OSBPL1A: variants seen among roughly 807,000 people sequenced by gnomAD.
OSBPL1A encodes the protein oxysterol binding protein like 1A, also known as oxysterol-binding protein-related protein 1.
A neutral mutation model predicts 137.1 loss-of-function variants in OSBPL1A; 80 were observed. That is an observed-to-expected ratio of 0.58 (90% CI 0.49 to 0.70). The LOEUF (loss-of-function observed/expected upper bound fraction) is 0.70. OSBPL1A is among the 30% of genes least tolerant of loss of function. The pLI, the probability that OSBPL1A is intolerant of heterozygous loss-of-function variation, is 0.00. For synonymous variants in OSBPL1A, 365 were observed against 389.7 expected (o/e 0.94, Z 0.75); for missense variants, 970 against 1,129.4 (o/e 0.86, Z 2.02).
intron 18 of OSBPL1A, among the ~76,000 whole-genome samples, chr18:24,191,688 T>C (rs1490742433): frequency 6.6e-6 from 1 of 152,190 alleles, no homozygotes; most frequent in African/African-American, 2.4e-5. Context: ...TCTGCAGTAA[T>C]GAAGTATGAT....
At chr18:24,246,402 A>C (rs559137135) in intron 15 of OSBPL1A, among the ~76,000 whole-genome samples, 55 of 152,144 alleles carry the variant, frequency 3.6e-4, no homozygotes, top group Middle Eastern at 3.4e-3. Flanking sequence ...AAGCCAGTGG[A>C]GGAGGGGAAG....
intron 15 of OSBPL1A, among the ~76,000 whole-genome samples, chr18:24,259,318 AAG>A (rs899765626): frequency 6.6e-6 from 1 of 152,170 alleles, no homozygotes; most frequent in Non-Finnish European, 1.5e-5. Context: ...AAGAATGAAC[AAG>A]GCCTATGACA....
chr18:24,293,125 A>AAAAAAAAAAAAAAAAAAAAAAG (rs200624581), intron 14 of OSBPL1A, among the ~76,000 whole-genome samples: 23 of 82,100 alleles, frequency 2.8e-4, no homozygotes, highest in Non-Finnish European at 3.7e-4. Flanking sequence ...AAAAAAAAAA[A>AAAAAAAAAAAAAAAAAAAAAAG]AAAGAAAAGA....
intron 18 of OSBPL1A, among the ~76,000 whole-genome samples, chr18:24,189,922 G>C (rs1305041745): frequency 6.6e-6 from 1 of 152,266 alleles, no homozygotes; most frequent in Non-Finnish European, 1.5e-5. Context: ...CACGGAGTGG[G>C]AAAAGGCGGT....
In OSBPL1A at chr18:24,303,670, GA is replaced by G; in HGVS notation, c.1140del (p.Leu381SerfsTer3). ...QQRLDREISNFLKMIKECDMA... is the reference protein window; with the variant it reads ...QQRLDREISNXLKMIKECDMA... ...ATGTCACACTCCTTAATCATTTTGA[GA>G]AAGTTGGAAATTTCCCTATCTAGTC... On this transcript the variant is annotated frameshift_variant, in exon 14 of 28. Coordinates refer to ENST00000319481, the MANE Select transcript of OSBPL1A (RefSeq NM_080597.4). LOFTEE classifies it high-confidence loss of function. 1.9e-6 allele frequency: 3 copies of G among 1,613,586 alleles called. No individual in the cohort carries two copies. Among genetic ancestry groups the G allele is most frequent in the Non-Finnish European group, 2.5e-6 (3 of 1,179,728 alleles).
In OSBPL1A at chr18:24,280,862, G is replaced by T; in HGVS notation, c.1261C>A (p.Leu421Ile). 1 of 1,602,496 alleles carries T rather than the reference G, an allele frequency of 6.2e-7. No homozygotes were observed. The highest frequency in any genetic ancestry group is 8.5e-7 in the Non-Finnish European group (1 of 1,176,504). The change falls in exon 15 of 28, where the codon CTC becomes ATC. Residue 421 changes from leucine to isoleucine, a missense_variant. Around this residue, in one of 2 missense-constraint regions of OSBPL1A, gnomAD observed 647 missense variants for 672.6 expected, o/e 0.96. Coordinates refer to ENST00000319481, the MANE Select transcript of OSBPL1A (RefSeq NM_080597.4). The part of the protein sequence containing the change: ...TCVALTDCLN[L>I]FTKQEGVRNF... ...CCTACCCCTTCTTGTTTGGTGAAGA[G>T]ATTAAGGCAATCAGTCAAAGCTACA... is the stretch of plus-strand genomic sequence containing the variant.
intron 18 of OSBPL1A, among the ~76,000 whole-genome samples, chr18:24,195,423 C>T (rs1281655114): frequency 6.6e-6 from 1 of 152,188 alleles, no homozygotes; most frequent in East Asian, 1.9e-4. Flanking sequence ...CTGTACTTCC[C>T]AGCACAGGGA....
intron 5 of OSBPL1A, among the ~76,000 whole-genome samples, chr18:24,336,814 T>C (rs2091183234): frequency 6.6e-6 from 1 of 152,188 alleles, no homozygotes. Context: ...ATATATTTCA[T>C]TCATGATAGC....
At chr18:24,287,654 T>C (rs573117104) in intron 14 of OSBPL1A, among the ~76,000 whole-genome samples, 1 of 151,994 alleles carries the variant, frequency 6.6e-6, no homozygotes, top group Non-Finnish European at 1.5e-5. Context: ...TTGCCTGTAA[T>C]CCCAGCTACC....
intron 8 of OSBPL1A, 29 bp from the exon 9 acceptor site, chr18:24,318,674 G>A: frequency 6.2e-7 from 1 of 1,606,654 alleles, no homozygotes; most frequent in Non-Finnish European, 8.5e-7. Context: ...CATGAAAAAT[G>A]CATCTACATA....
At chr18:24,278,520 C>A (rs1190709459) in intron 15 of OSBPL1A, among the ~76,000 whole-genome samples, 1 of 152,162 alleles carries the variant, frequency 6.6e-6, no homozygotes, top group African/African-American at 2.4e-5. Context: ...TTAGCCTAAA[C>A]TTTAGGCTAA....
intron 16 of OSBPL1A, among the ~76,000 whole-genome samples, chr18:24,229,796 G>C (rs2145994443): frequency 6.6e-6 from 1 of 151,984 alleles, no homozygotes; most frequent in East Asian, 1.9e-4. Context: ...TGTCACCCAG[G>C]CTGGAGTGCA....
At chr18:24,311,515 T>C in intron 13 of OSBPL1A, 1 of 987,358 alleles carries the variant, frequency 1.0e-6, no homozygotes, top group Non-Finnish European at 1.2e-6. Flanking sequence ...TCTCCATTCA[T>C]TAATGATGCT....
At chr18:24,345,750 C>T (rs2091336803) in intron 4 of OSBPL1A, among the ~76,000 whole-genome samples, 1 of 152,034 alleles carries the variant, frequency 6.6e-6, no homozygotes, top group South Asian at 2.1e-4. Context: ...ATCCAAGCAT[C>T]CTCCTCAGAG....
chr18:24,331,478 G>C (rs1057217488), intron 7 of OSBPL1A, among the ~76,000 whole-genome samples: 1 of 148,304 alleles, frequency 6.7e-6, no homozygotes, highest in Non-Finnish European at 1.5e-5. Context: ...CTCACTGCAA[G>C]CTCCGCCTCC....
At chr18:24,180,526 A>C (rs2086577044) in intron 19 of OSBPL1A, among the ~76,000 whole-genome samples, 1 of 151,758 alleles carries the variant, frequency 6.6e-6, no homozygotes, top group South Asian at 2.1e-4. Flanking sequence ...GAAAGTCTGA[A>C]AGAAGAAAGG....
intron 15 of OSBPL1A, among the ~76,000 whole-genome samples, chr18:24,265,170 A>G (rs561152463): frequency 3.9e-4 from 60 of 152,302 alleles, no homozygotes; most frequent in African/African-American, 1.4e-3. Flanking sequence ...TCAAAATTAA[A>G]TAAGTTCTAA....
intron 15 of OSBPL1A, among the ~76,000 whole-genome samples, chr18:24,274,665 T>C (rs2089803557): frequency 1.3e-5 from 2 of 152,278 alleles, no homozygotes; most frequent in Non-Finnish European, 2.9e-5. Context: ...CACAGCACTC[T>C]GGGAGGCCAA....
chr18:24,336,286 C>A (rs559434923), intron 5 of OSBPL1A, among the ~76,000 whole-genome samples: 6 of 152,264 alleles, frequency 3.9e-5, no homozygotes, highest in African/African-American at 1.4e-4. Flanking sequence ...AGAAAAGATA[C>A]CCTATTGTTT....
Sources: allele counts gnomAD v4.1 joint callset (sites outside exome capture counted in the v4.1 genomes callset), GRCh38; gene constraint gnomAD v4.1.1; regional missense constraint gnomAD v4.1.1; transcripts MANE v1.5; gene names NCBI Gene and HGNC (gene_info 2026-07-23, HGNC 2026-07-21).